The following ST8SIA6 variants were observed in gnomAD, a reference collection of about 807,000 sequenced individuals.
ST8SIA6 encodes the protein alpha-2,8-sialyltransferase 8F.
Under a neutral mutation model 33.6 loss-of-function variants are expected in ST8SIA6, and 39 were observed. The ratio of observed to expected loss-of-function variants is 1.16; its 90% confidence interval spans 0.90 to 1.52. The LOEUF (loss-of-function observed/expected upper bound fraction) is 1.52, where lower values mean the gene tolerates loss of function less well. ST8SIA6 is among the 40% of genes most tolerant of loss of function. The pLI, the probability that ST8SIA6 is intolerant of heterozygous loss-of-function variation, is 0.00. For synonymous variants in ST8SIA6, 172 were observed against 167.2 expected (o/e 1.03, Z -0.22); for missense variants, 441 against 443.8 (o/e 0.99, Z 0.06).
chr10:17,403,437 G>T (rs1024588864), intron 2 of ST8SIA6: 1 of 152,216 alleles, frequency 6.6e-6, no homozygotes, highest in African/African-American at 2.4e-5. Context: ...TGTAGAGTCA[G>T]TGTGGAATTC....
intron 4 of ST8SIA6, among the ~76,000 whole-genome samples, chr10:17,340,692 G>A (rs79850396): frequency 0.028 from 4,263 of 152,258 alleles, 87 homozygotes; most frequent in African/African-American, 0.056. Flanking sequence ...TTTATTTCCA[G>A]CAAAACCATG....
chr10:17,433,161 A>G (rs1228937731), intron 2 of ST8SIA6, among the ~76,000 whole-genome samples: 2 of 152,168 alleles, frequency 1.3e-5, no homozygotes, highest in Non-Finnish European at 1.5e-5. Context: ...TGGCTTCTTT[A>G]TATGACTCAG....
chr10:17,341,911 A>AAAC (rs1320468303), intron 4 of ST8SIA6, among the ~76,000 whole-genome samples: 14 of 150,808 alleles, frequency 9.3e-5, no homozygotes, highest in Admixed American at 2.0e-4. Context: ...AAAAAAAAAA[A>AAAC]AAAAAAAAAA....
Position 17,410,503 on chromosome 10 carries a change from GA to G in ST8SIA6, c.201-19884del, listed in dbSNP as rs1851415772. ...CAATAATAGCAAAAACTATAAACTA[GA>G]ATTTGTTGAAAGAACAACTTCTAGA... is the stretch of plus-strand genomic sequence containing the variant. On this transcript the variant is annotated intron_variant, in intron 2 of 7. Coordinates refer to ENST00000377602, the MANE Select transcript of ST8SIA6 (RefSeq NM_001004470.3). 3.9e-5 allele frequency: 6 copies of G among 151,996 alleles called. No homozygotes were observed. In the South Asian group the frequency reaches 1.2e-3, roughly 32 times the overall value. The allele number at this position is 151,996 out of a possible 1,614,324, so 9.4% of individuals were successfully genotyped here. A position where few individuals can be genotyped will look rare whatever the true frequency, so the allele number is the denominator to read the frequency against.
chr10:17,436,515 C>A (rs1190301004), intron 2 of ST8SIA6, among the ~76,000 whole-genome samples: 1 of 119,542 alleles, frequency 8.4e-6, no homozygotes, highest in Non-Finnish European at 1.7e-5. Flanking sequence ...AATGCTATCC[C>A]TCCCCCCTCC....
Position 17,366,089 on chromosome 10 carries a change from G to A in ST8SIA6, c.291-6489C>T, listed in dbSNP as rs561357300. Among the ~76,000 whole-genome samples, 16 of 152,324 alleles carry A rather than the reference G, an allele frequency of 1.1e-4. No homozygotes were observed. In the South Asian group the frequency reaches 2.9e-3, roughly 28 times the overall value. On this transcript the variant is annotated intron_variant, in intron 3 of 7. Coordinates refer to ENST00000377602, the MANE Select transcript of ST8SIA6 (RefSeq NM_001004470.3). ...AATACTCTTTAAAGGAATAGCTAATGAGTGTATGAAAGCCAAACTAGGAGA... is the reference window on the plus strand; with the variant it reads ...AATACTCTTTAAAGGAATAGCTAATAAGTGTATGAAAGCCAAACTAGGAGA...
At chr10:17,423,907 G>A (rs1851855978) in intron 2 of ST8SIA6, among the ~76,000 whole-genome samples, 1 of 152,146 alleles carries the variant, frequency 6.6e-6, no homozygotes, top group African/African-American at 2.4e-5. Flanking sequence ...TGTTCATCCA[G>A]TACCTACCAC....
intron 3 of ST8SIA6, among the ~76,000 whole-genome samples, chr10:17,374,637 C>G (rs1269533976): frequency 6.6e-6 from 1 of 150,450 alleles, no homozygotes; most frequent in Non-Finnish European, 1.5e-5. Context: ...TCACTTGAAA[C>G]TAGGAGGCAG....
Position 17,377,423 on chromosome 10 carries a change from G to A in ST8SIA6, c.290+13108C>T, listed in dbSNP as rs181137327. Among the ~76,000 whole-genome samples, 438 of 152,256 alleles carry A rather than the reference G, an allele frequency of 2.9e-3. 2 individuals carry two copies. Among genetic ancestry groups the A allele is most frequent in the Middle Eastern group, 0.01 (3 of 294 alleles). On this transcript the variant is annotated intron_variant, in intron 3 of 7. Coordinates refer to ENST00000377602, the MANE Select transcript of ST8SIA6 (RefSeq NM_001004470.3). ...AACAGAGATGGTATAAAAATGCTTT[G>A]AAAACCTAAGAAAAACATTCATTTA...
Position 17,317,998 on chromosome 10 carries a change from T to A in ST8SIA6, c.*2880A>T, listed in dbSNP as rs1483331458. On this transcript the variant is annotated 3_prime_UTR_variant, in exon 8 of 8. Transcript: ENST00000377602. ...CACTATGCAATTGATCATGAAGCCC[T>A]TTGCAGGGACCACAGAGTACTATGG... Among the ~76,000 whole-genome samples, 1 of 152,192 alleles carries A rather than the reference T, an allele frequency of 6.6e-6. No homozygotes were observed. The highest frequency in any genetic ancestry group is 1.5e-5 in the Non-Finnish European group (1 of 68,034).
chr10:17,451,382 G>C (rs1237917738), intron 2 of ST8SIA6, among the ~76,000 whole-genome samples: 10 of 152,176 alleles, frequency 6.6e-5, no homozygotes, highest in Non-Finnish European at 1.3e-4. Flanking sequence ...TATAGACACA[G>C]ATTGTGGAAT....
At chr10:17,439,699 C>T (rs1447157572) in intron 2 of ST8SIA6, among the ~76,000 whole-genome samples, 3 of 152,186 alleles carry the variant, frequency 2.0e-5, no homozygotes, top group Admixed American at 6.5e-5. Context: ...CCGTGTCTGT[C>T]GCCTCCTGCA....
chr10:17,402,490 TGTG>T (rs1405592527), intron 2 of ST8SIA6, among the ~76,000 whole-genome samples: 1 of 152,220 alleles, frequency 6.6e-6, no homozygotes, highest in Non-Finnish European at 1.5e-5. Context: ...GTATGTTTAT[TGTG>T]GCACTATTCA....
chr10:17,434,209 G>A (rs1330303700), intron 2 of ST8SIA6, among the ~76,000 whole-genome samples: 2 of 152,176 alleles, frequency 1.3e-5, no homozygotes, highest in Non-Finnish European at 2.9e-5. Context: ...TTGGGACTAT[G>A]TCCACAGATT....
chr10:17,453,915 G>T (rs921713266), intron 1 of ST8SIA6, among the ~76,000 whole-genome samples: 8 of 152,058 alleles, frequency 5.3e-5, no homozygotes, highest in African/African-American at 1.9e-4. Context: ...AGCGATGCGC[G>T]CTAGAGCCCC....
chr10:17,326,301 A>G (rs1848126950), intron 6 of ST8SIA6, among the ~76,000 whole-genome samples: 1 of 152,140 alleles, frequency 6.6e-6, no homozygotes, highest in Non-Finnish European at 1.5e-5. Context: ...ACTTCCACTT[A>G]CTCTTTGAAA....
chr10:17,404,022 G>A (rs1357630920), intron 2 of ST8SIA6, among the ~76,000 whole-genome samples: 2 of 145,166 alleles, frequency 1.4e-5, no homozygotes, highest in African/African-American at 5.2e-5. Flanking sequence ...CAGAGATGGT[G>A]CCACTGCACT....
intron 3 of ST8SIA6, among the ~76,000 whole-genome samples, chr10:17,368,645 G>T (rs1019775101): frequency 6.6e-6 from 1 of 152,122 alleles, no homozygotes; most frequent in African/African-American, 2.4e-5. Flanking sequence ...CTGAGAGGTG[G>T]TAATTGAGCA....
In ST8SIA6 at chr10:17,322,248, G is replaced by A. The variant is rs1261751756; in HGVS notation, c.728+817C>T. Among the ~76,000 whole-genome samples the A allele has an allele frequency of 3.3e-5, 5 of 149,506 alleles. No homozygotes were observed. In the East Asian group the frequency reaches 7.8e-4, roughly 23 times the overall value. ...AAAGAAAGAAAAAGAAAGAGAAAAA[G>A]AAAGGAAAAAGAGAGAAAGAAAAGA... On this transcript the variant is annotated intron_variant, in intron 7 of 7. Transcript: ENST00000377602.
Sources: allele counts gnomAD v4.1 joint callset (sites outside exome capture counted in the v4.1 genomes callset), GRCh38; gene constraint gnomAD v4.1.1; transcripts MANE v1.5; gene names NCBI Gene and HGNC (gene_info 2026-07-23, HGNC 2026-07-21).